The following APAF1 variants were observed in gnomAD, a reference collection of about 807,000 sequenced individuals.
APAF1 encodes the protein apoptotic peptidase activating factor 1.
Under a neutral mutation model 152.4 loss-of-function variants are expected in APAF1, and 91 were observed. The observed-to-expected ratio is 0.60, with a 90% CI of 0.50 to 0.71. The LOEUF (loss-of-function observed/expected upper bound fraction) is 0.71, where lower values mean the gene tolerates loss of function less well. Among genes scored for constraint, APAF1 ranks in the 30% least tolerant of loss-of-function variants. APAF1 has a pLI of 0.00. For missense variants in APAF1, 1,283 were observed against 1,472.0 expected (o/e 0.87, Z 2.10); for synonymous variants, 484 against 494.1 (o/e 0.98, Z 0.27).
chr12:98,693,187 T>C (rs1049794339), intron 16 of APAF1, among the ~76,000 whole-genome samples: 1 of 152,176 alleles, frequency 6.6e-6, no homozygotes, highest in Non-Finnish European at 1.5e-5. Flanking sequence ...TGTGTGTGGC[T>C]ACTGTAAATG....
At chr12:98,658,657 C>T (rs751049273) in intron 4 of APAF1, among the ~76,000 whole-genome samples, 10 of 152,092 alleles carry the variant, frequency 6.6e-5, no homozygotes, top group Non-Finnish European at 1.0e-4. Context: ...TAGTTCTCAA[C>T]GAGGGGTGAT....
chr12:98,732,733 C>A lies in APAF1; in HGVS notation c.*167C>A. ...TGAATAATATTAATGTAGCTTTTTC[C>A]CAAATGAACATACCTTTAATCTTGT... On this transcript the variant is annotated 3_prime_UTR_variant, in exon 27 of 27. Transcript: ENST00000551964. 1.7e-6 allele frequency: 1 copy of A among 594,580 alleles called. No homozygotes were observed. The highest frequency in any genetic ancestry group is 2.9e-6 in the Non-Finnish European group (1 of 338,988). 36.8% of individuals were successfully genotyped at this position (594,580 alleles called of 1,614,324 possible). A position where few individuals can be genotyped will look rare whatever the true frequency, so the allele number is the denominator to read the frequency against.
intron 17 of APAF1, among the ~76,000 whole-genome samples, chr12:98,702,035 T>C (rs2097715974): frequency 6.6e-6 from 1 of 152,230 alleles, no homozygotes; most frequent in Admixed American, 6.5e-5. Context: ...GCCTACCATA[T>C]GTGCATGCTT....
At chr12:98,652,615 C>CTTTTA (rs975016940) in intron 4 of APAF1, among the ~76,000 whole-genome samples, 4 of 151,200 alleles carry the variant, frequency 2.6e-5, no homozygotes, top group South Asian at 4.2e-4. Context: ...TGGTTTTAGA[C>CTTTTA]TTTTATTTTA....
chr12:98,671,351 T>C (rs1451123746), intron 11 of APAF1, among the ~76,000 whole-genome samples, 184 bp from the exon 12 acceptor site: 3 of 152,176 alleles, frequency 2.0e-5, no homozygotes, highest in African/African-American at 7.2e-5. Context: ...AATGAGATTT[T>C]TACCCTATGT....
Position 98,649,635 on chromosome 12 carries a change from G to A in APAF1, c.477G>A (p.Gly159=), listed in dbSNP as rs370625919. ...WVTIHGMAGC[G]KSVLAAEAVR... is the part of the protein sequence containing the mutation. The stretch of plus-strand genomic sequence containing the variant: ...CCATACATGGAATGGCAGGCTGTGG[G>A]AAGTCTGTATTAGCTGCAGAAGCTG... The change falls in exon 4 of 27, where the codon GGG becomes GGA. Residue 159 remains glycine, a synonymous_variant. Transcript: ENST00000551964. 2.7e-5 allele frequency: 44 copies of A among 1,614,054 alleles called. No individual in the cohort carries two copies. In the South Asian group the frequency reaches 4.2e-4, roughly 15 times the overall value.
chr12:98,673,957 A>T (rs945162958), intron 12 of APAF1, among the ~76,000 whole-genome samples: 7 of 150,902 alleles, frequency 4.6e-5, no homozygotes, highest in Non-Finnish European at 7.4e-5. Flanking sequence ...GAGAATTAAA[A>T]TTTTTTTTTT....
rs1439451476 is a variant in APAF1 at position 98,735,310 on chromosome 12, A to G, written c.*2744A>G. ...TTTTTTTACATTATATGTCTCTTGT[A>G]TGTTTTGAAACTCTTGTATTTATGA... On this transcript the variant is annotated 3_prime_UTR_variant, in exon 27 of 27. Transcript: ENST00000551964. 2 of 403,316 alleles carry G rather than the reference A, an allele frequency of 5.0e-6. No individual in the cohort carries two copies. The highest frequency in any genetic ancestry group is 8.7e-6 in the Non-Finnish European group (2 of 228,752). 25.0% of individuals were successfully genotyped at this position (403,316 alleles called of 1,614,324 possible). A position where few individuals can be genotyped will look rare whatever the true frequency, so the allele number is the denominator to read the frequency against.
chr12:98,729,522 C>T (rs1287101750), intron 26 of APAF1, among the ~76,000 whole-genome samples: 1 of 152,230 alleles, frequency 6.6e-6, no homozygotes, highest in East Asian at 1.9e-4. Flanking sequence ...TCACCTTCTG[C>T]TCTGCGGATG....
chr12:98,696,945 A>G (rs1053221636), intron 16 of APAF1, among the ~76,000 whole-genome samples: 2 of 152,232 alleles, frequency 1.3e-5, no homozygotes, highest in Non-Finnish European at 2.9e-5. Context: ...GTTGGAGAGA[A>G]CATAAGTGAA....
rs780720806 is a variant in APAF1 at position 98,703,451 on chromosome 12, C to T, written c.2547C>T (p.Ser849=). The T allele has an allele frequency of 1.8e-5, 29 of 1,614,016 alleles. No homozygotes were observed. The South Asian group carries it at 3.1e-4, about 17-fold the overall frequency. ...HHSTIQYCDF[S]PQNHLAVVAL... ...GCACCATCCAGTACTGTGACTTCTC[C>T]CCACAAAACCATTTGGCAGTGGTTG... Residue 849 remains serine, a synonymous_variant, in exon 18 of 27, where the codon TCC becomes TCT. Transcript: ENST00000551964.
intron 16 of APAF1, among the ~76,000 whole-genome samples, chr12:98,691,350 A>G (rs760356021): frequency 1.3e-4 from 20 of 152,098 alleles, no homozygotes; most frequent in Non-Finnish European, 2.4e-4. Context: ...ACAGCTTACA[A>G]ATGTTCTTGG....
chr12:98,649,722 G>C, intron 4 of APAF1, 38 bp downstream of exon 4: 1 of 1,550,532 alleles, frequency 6.4e-7, no homozygotes, highest in Non-Finnish European at 8.9e-7. Flanking sequence ...TAGTAAGGTA[G>C]ATAGACATGT....
In APAF1 at chr12:98,732,436, C is replaced by A. The variant is rs1221336265; in HGVS notation, c.3617C>A (p.Thr1206Asn). ...GGYIKWWNVVTGESSQTFYTN... is the reference protein window; with the variant it reads ...GGYIKWWNVVNGESSQTFYTN... The stretch of plus-strand genomic sequence containing the variant: ...TCTGAACAGTGGTGGAACGTTGTCA[C>A]TGGGGAATCCTCACAGACCTTCTAC... The change falls in exon 27 of 27, where the codon ACT (threonine) becomes AAT (asparagine). Residue 1206 changes from threonine to asparagine, a missense_variant. Thr to Asn is a moderately conservative substitution (Grantham distance 65). Coordinates refer to ENST00000551964, the MANE Select transcript of APAF1 (RefSeq NM_181861.2). 2 of 1,613,544 alleles carry A rather than the reference C, an allele frequency of 1.2e-6. No individual in the cohort carries two copies. The highest frequency in any genetic ancestry group is 1.7e-6 in the Non-Finnish European group (2 of 1,179,508).
chr12:98,688,638 A>ATTTTC (rs752561648), intron 16 of APAF1, among the ~76,000 whole-genome samples: 2 of 119,250 alleles, frequency 1.7e-5, no homozygotes, highest in African/African-American at 3.2e-5. Context: ...ACCTGGCGAA[A>ATTTTC]TTTTTTTTTT....
chr12:98,727,546 C>A (rs1251746144), intron 26 of APAF1, among the ~76,000 whole-genome samples: 63 of 115,982 alleles, frequency 5.4e-4, no homozygotes, highest in Middle Eastern at 4.0e-3. Flanking sequence ...CATCCTGTCT[C>A]AAAAAAAAAA....
At position 98,671,087 on chromosome 12, in the gene APAF1, G is replaced by T; in HGVS notation, c.1608+1G>T. On this transcript the variant is annotated splice_donor_variant, in intron 11 of 26. Coordinates refer to ENST00000551964, the MANE Select transcript of APAF1 (RefSeq NM_181861.2). LOFTEE classifies it high-confidence loss of function. ...ATACAGACATATACTAGATGAAAAG[G>T]TATATATATTAACATGAAAAATTAG... 1.3e-6 allele frequency: 2 copies of T among 1,538,686 alleles called. No individual in the cohort carries two copies. Among genetic ancestry groups the T allele is most frequent in the East Asian group, 2.3e-5 (1 of 44,374 alleles).
intron 22 of APAF1, among the ~76,000 whole-genome samples, chr12:98,720,969 A>G: frequency 6.7e-6 from 1 of 148,272 alleles, no homozygotes; most frequent in East Asian, 1.9e-4. Context: ...TCTGTCTCAA[A>G]AAAAAAGAAA....
intron 7 of APAF1, among the ~76,000 whole-genome samples, 182 bp from the exon 8 acceptor site, chr12:98,665,371 T>C: frequency 6.6e-6 from 1 of 150,704 alleles, no homozygotes. Context: ...GAATGAAATC[T>C]TTCTTATTTC....
Sources: gnomAD v4.1 joint callset for allele counts (sites outside exome capture counted in the v4.1 genomes callset) on GRCh38, gnomAD v4.1.1 for gene constraint, MANE v1.5 for transcripts, NCBI Gene and HGNC (gene_info 2026-07-23, HGNC 2026-07-21) for gene names.